The following COL11A1 variants were observed in gnomAD, a reference collection of about 807,000 sequenced individuals.
The protein encoded by COL11A1 is collagen type XI alpha 1 chain.
COL11A1 carries 74 observed loss-of-function variants against 265.2 expected under a neutral mutation model. That is an observed-to-expected ratio of 0.28 (90% CI 0.23 to 0.34). COL11A1 has a LOEUF of 0.34. COL11A1 is among the 10% of genes least tolerant of loss of function. The probability of loss-of-function intolerance (pLI) is 1.00; values close to 1 mark genes in which losing one functional copy is unlikely to be tolerated. For synonymous variants in COL11A1, 816 were observed against 727.6 expected, an observed-to-expected ratio of 1.12 and a Z score of -1.96; for missense variants, 2,165 against 2,263.6, an observed-to-expected ratio of 0.96 and a Z score of 0.88.
chr1:103,044,558 A>G (rs74647258), intron 4 of COL11A1, among the ~76,000 whole-genome samples: 26,832 of 152,120 alleles, frequency 0.18, 2,453 homozygotes, highest in Middle Eastern at 0.2. Flanking sequence ...AATGTTAAAC[A>G]AGGATTCTTA....
At chr1:102,910,483 A>G (rs1654522886) in intron 54 of COL11A1, among the ~76,000 whole-genome samples, 1 of 152,178 alleles carries the variant, frequency 6.6e-6, no homozygotes, top group Non-Finnish European at 1.5e-5. Flanking sequence ...ATGTAATAGA[A>G]TATTTAAAAT....
intron 4 of COL11A1, among the ~76,000 whole-genome samples, chr1:103,038,904 T>C (rs1668590789): frequency 6.6e-6 from 1 of 152,134 alleles, no homozygotes; most frequent in Non-Finnish European, 1.5e-5. Context: ...TGGATGCTGA[T>C]GATGGAGTGA....
Position 103,043,694 on chromosome 1 carries a change from T to A in COL11A1, c.652-12450A>T, listed in dbSNP as rs367638016. ...ATAAACTGTAAAGTATATACAAATA[T>A]AAGATATTTTATTCCAGTGTTTGGA... On this transcript the variant is annotated intron_variant, in intron 4 of 66. Coordinates refer to ENST00000370096, the MANE Select transcript of COL11A1 (RefSeq NM_001854.4). 4.3e-4 allele frequency among the ~76,000 whole-genome samples: 66 copies of A among 152,206 alleles called. No homozygotes were observed. In the Middle Eastern group the frequency reaches 0.01, roughly 24 times the overall value.
chr1:103,074,519 T>C lies in COL11A1; in HGVS notation c.651+99A>G, dbSNP rs1010795502. 5 of 1,363,572 alleles carry C rather than the reference T, an allele frequency of 3.7e-6. No individual in the cohort carries two copies. In the African/African-American group the frequency reaches 5.8e-5, roughly 16 times the overall value. The allele number at this position is 1,363,572 out of a possible 1,614,324, so 84.5% of individuals were successfully genotyped here. On this transcript the variant is annotated intron_variant, in intron 4 of 66. Transcript: ENST00000370096. Reference sequence around the variant, plus strand: ...AGGTCACCCTTTAGAGTTTTCAACTTTGCTTTATAACGTATTGCTATAAAG... The same window carrying C: ...AGGTCACCCTTTAGAGTTTTCAACTCTGCTTTATAACGTATTGCTATAAAG...
At chr1:102,923,661 A>C (rs1312984296) in intron 46 of COL11A1, among the ~76,000 whole-genome samples, 1 of 152,082 alleles carries the variant, frequency 6.6e-6, no homozygotes, top group Non-Finnish European at 1.5e-5. Context: ...TGATCTGGGA[A>C]TTTATGAACA....
chr1:102,989,437 C>T, intron 29 of COL11A1, 81 bp downstream of exon 29: 2 of 755,230 alleles, frequency 2.6e-6, no homozygotes, highest in Non-Finnish European at 2.0e-6. Flanking sequence ...CATATGCTTA[C>T]TATATTTAAA....
chr1:102,950,898 T>C lies in COL11A1; in HGVS notation c.3169-3942A>G, dbSNP rs191046980. ...TTCCCCCATGCTGTTCTCCTGACAA[T>C]GAGTGAGTTCTTATGGGATCTGATG... On this transcript the variant is annotated intron_variant, in intron 41 of 66. Transcript: ENST00000370096. Among the ~76,000 whole-genome samples, 100 of 152,246 alleles carry C rather than the reference T, an allele frequency of 6.6e-4. 1 individual carries two copies. Among genetic ancestry groups the C allele is most frequent in the African/African-American group, 2.4e-3 (99 of 41,540 alleles).
Position 102,877,644 on chromosome 1 carries a change from A to G in COL11A1, c.*375T>C, listed in dbSNP as rs1218652958. Reference sequence around the variant, plus strand: ...ATAGAACTGTACACAAAATAATTACAATTTATTAAACACACTGTTTTAGTA... The same window carrying G: ...ATAGAACTGTACACAAAATAATTACGATTTATTAAACACACTGTTTTAGTA... On this transcript the variant is annotated 3_prime_UTR_variant, in exon 67 of 67. Transcript: ENST00000370096. The G allele has an allele frequency of 1.0e-5, 2 of 197,588 alleles. No individual in the cohort carries two copies. The highest frequency in any genetic ancestry group is 4.7e-5 in the African/African-American group (2 of 42,230). 12.2% of individuals were successfully genotyped at this position (197,588 alleles called of 1,614,324 possible).
rs771139447 is a variant in COL11A1, at chr1:103,014,513, G to A, written c.1570C>T (p.Arg524Trp). The A allele has an allele frequency of 5.0e-6, 8 of 1,613,422 alleles. No homozygotes were observed. Among genetic ancestry groups the A allele is most frequent in the Middle Eastern group, 1.6e-4 (1 of 6,062 alleles). ...AQAQAILQQA[R>W]IALRGPPGPM... ...AATGCAAGTTTATCCTGTCTTACCC[G>A]AGCCTGCTGAAGAATAGCTTGAGCC... Residue 524 changes from arginine to tryptophan, a missense_variant and splice_region_variant, in exon 13 of 67, where the codon CGG becomes TGG. By Grantham distance (101) the Arg-to-Trp change is moderately radical (BLOSUM62 -3). Coordinates refer to ENST00000370096, the MANE Select transcript of COL11A1 (RefSeq NM_001854.4).
intron 37 of COL11A1, among the ~76,000 whole-genome samples, chr1:102,969,168 A>G (rs757679187): frequency 7.9e-5 from 12 of 152,182 alleles, no homozygotes; most frequent in Non-Finnish European, 1.5e-4. Context: ...CAAGACTCCA[A>G]AGTTTCTCAT....
chr1:102,911,512 A>G (rs1385424594), intron 54 of COL11A1, among the ~76,000 whole-genome samples: 2 of 152,146 alleles, frequency 1.3e-5, no homozygotes, highest in African/African-American at 4.8e-5. Context: ...GGTACAGAAG[A>G]ACACGCTAAA....
At chr1:103,085,745 T>G (rs1261583760) in intron 1 of COL11A1, among the ~76,000 whole-genome samples, 1 of 152,216 alleles carries the variant, frequency 6.6e-6, no homozygotes, top group East Asian at 1.9e-4. Flanking sequence ...TAGTCCTGCT[T>G]GCAACGGCTA....
intron 4 of COL11A1, among the ~76,000 whole-genome samples, chr1:103,042,361 A>C (rs1274137875): frequency 6.6e-6 from 1 of 152,132 alleles, no homozygotes; most frequent in African/African-American, 2.4e-5. Context: ...AAATTAGAGG[A>C]TTTATCTAGA....
At chr1:103,047,016 G>A (rs185063231) in intron 4 of COL11A1, among the ~76,000 whole-genome samples, 1 of 152,248 alleles carries the variant, frequency 6.6e-6, no homozygotes, top group Admixed American at 6.5e-5. Context: ...TAGCCTTGTA[G>A]TATAGTTTGA....
intron 54 of COL11A1, among the ~76,000 whole-genome samples, chr1:102,902,449 C>T (rs1306721721): frequency 6.6e-6 from 1 of 151,976 alleles, no homozygotes; most frequent in African/African-American, 2.4e-5. Flanking sequence ...TGTTTCCCCA[C>T]ATTAAAAAAT....
intron 41 of COL11A1, among the ~76,000 whole-genome samples, chr1:102,951,868 G>T (rs558844701): frequency 1.3e-5 from 2 of 152,124 alleles, no homozygotes; most frequent in South Asian, 4.2e-4. Context: ...GTAAGAAATG[G>T]TTTCAAAATG....
At chr1:102,886,408 A>G (rs7545600) in intron 63 of COL11A1, among the ~76,000 whole-genome samples, 4,973 of 152,258 alleles carry the variant, frequency 0.033, 274 homozygotes, top group African/African-American at 0.11. Flanking sequence ...CTATTTACAC[A>G]TATCCATATA....
intron 1 of COL11A1, among the ~76,000 whole-genome samples, chr1:103,089,477 T>C (rs769326864): frequency 1.7e-4 from 26 of 152,202 alleles, no homozygotes; most frequent in Non-Finnish European, 3.1e-4. Context: ...ATTATGGTCA[T>C]GATTTTCTTG....
intron 57 of COL11A1, among the ~76,000 whole-genome samples, chr1:102,896,578 A>G (rs546323084): frequency 6.6e-6 from 1 of 152,312 alleles, no homozygotes; most frequent in African/African-American, 2.4e-5. Context: ...TCAGAATGGA[A>G]TGTGCCCATG....
Sources: gnomAD v4.1 joint callset for allele counts (sites outside exome capture counted in the v4.1 genomes callset) on GRCh38, gnomAD v4.1.1 for gene constraint, MANE v1.5 for transcripts, NCBI Gene and HGNC (gene_info 2026-07-23, HGNC 2026-07-21) for gene names.